KCNH7: variants seen among roughly 807,000 people sequenced by gnomAD.
KCNH7 encodes the protein potassium voltage-gated channel subfamily H member 7.
KCNH7 carries 49 observed loss-of-function variants against 120.8 expected under a neutral mutation model. The observed-to-expected ratio is 0.41, with a 90% CI of 0.32 to 0.51. The LOEUF is 0.51. Ranked by LOEUF, KCNH7 falls within the 20% of genes least tolerant of loss-of-function variation. The pLI, the probability that KCNH7 is intolerant of heterozygous loss-of-function variation, is 0.38. For missense variants in KCNH7, 1,097 were observed against 1,446.6 expected (o/e 0.76, Z 3.92); for synonymous variants, 547 against 516.1 (o/e 1.06, Z -0.81).
At chr2:162,615,670 A>G (rs891296292) in intron 2 of KCNH7, among the ~76,000 whole-genome samples, 4 of 152,154 alleles carry the variant, frequency 2.6e-5, no homozygotes, top group Non-Finnish European at 5.9e-5. Context: ...CATTCTTTCA[A>G]TGCAGAGTAA....
intron 6 of KCNH7, among the ~76,000 whole-genome samples, chr2:162,479,704 T>TGTG (rs1689865189): frequency 1.3e-5 from 2 of 148,306 alleles, no homozygotes; most frequent in African/African-American, 5.0e-5. Flanking sequence ...TGTGTGTGTG[T>TGTG]TGAGATGGCT....
chr2:162,389,304 G>A (rs1351516340), intron 12 of KCNH7, among the ~76,000 whole-genome samples: 1 of 151,908 alleles, frequency 6.6e-6, no homozygotes, highest in Non-Finnish European at 1.5e-5. Context: ...AGGTTAGGAA[G>A]GAAAAGCTCA....
At chr2:162,578,159 T>A (rs1182438981) in intron 2 of KCNH7, among the ~76,000 whole-genome samples, 2 of 152,006 alleles carry the variant, frequency 1.3e-5, no homozygotes, top group Non-Finnish European at 2.9e-5. Flanking sequence ...ACACAGAAAT[T>A]GTTTCTAATG....
chr2:162,702,512 G>C (rs1385959120), intron 2 of KCNH7, among the ~76,000 whole-genome samples: 1 of 152,004 alleles, frequency 6.6e-6, no homozygotes, highest in African/African-American at 2.4e-5. Context: ...TACTTAAATT[G>C]CTTAAAAATT....
At chr2:162,584,655 T>G (rs1254619123) in intron 2 of KCNH7, among the ~76,000 whole-genome samples, 2 of 152,134 alleles carry the variant, frequency 1.3e-5, no homozygotes, top group Admixed American at 6.5e-5. Context: ...ATCACATCAC[T>G]GGGAACCTAT....
chr2:162,755,886 A>G lies in KCNH7; in HGVS notation c.307+80651T>C, dbSNP rs941621104. Among the ~76,000 whole-genome samples, 6 of 152,188 alleles carry G rather than the reference A, an allele frequency of 3.9e-5. No homozygotes were observed. In the East Asian group the frequency reaches 7.7e-4, roughly 20 times the overall value. On this transcript the variant is annotated intron_variant, in intron 2 of 15. Coordinates refer to ENST00000332142, the MANE Select transcript of KCNH7 (RefSeq NM_033272.4). ...TGAGGAAGAAATCTAGAAGTGGTGTATACTCAACCAGAGTGATAGTCTTAT... is the reference window on the plus strand; with the variant it reads ...TGAGGAAGAAATCTAGAAGTGGTGTGTACTCAACCAGAGTGATAGTCTTAT...
At chr2:162,373,791 G>A in intron 14 of KCNH7, 129 bp from the exon 15 acceptor site, 1 of 493,168 alleles carries the variant, frequency 2.0e-6, no homozygotes, top group Non-Finnish European at 3.4e-6. Flanking sequence ...GACAGGAGAG[G>A]GAGCACAGAG....
intron 9 of KCNH7, among the ~76,000 whole-genome samples, chr2:162,403,895 G>A (rs891114401): frequency 2.6e-5 from 4 of 151,886 alleles, no homozygotes; most frequent in African/African-American, 9.7e-5. Flanking sequence ...GAGCTATAGT[G>A]GAATAGAGGT....
intron 2 of KCNH7, among the ~76,000 whole-genome samples, chr2:162,825,284 G>GT (rs964424445): frequency 6.6e-5 from 10 of 151,820 alleles, no homozygotes; most frequent in Non-Finnish European, 1.3e-4. Context: ...TACTTAGCAT[G>GT]TTTTTTTAAT....
At chr2:162,796,825 T>G (rs1298972497) in intron 2 of KCNH7, 1 of 152,062 alleles carries the variant, frequency 6.6e-6, no homozygotes, top group Non-Finnish European at 1.5e-5. Context: ...TTTAAGAACC[T>G]GTTTTTGGTT....
intron 3 of KCNH7, among the ~76,000 whole-genome samples, chr2:162,527,447 A>G (rs1244176493): frequency 6.6e-6 from 1 of 152,018 alleles, no homozygotes; most frequent in Non-Finnish European, 1.5e-5. Context: ...CTTATAAACC[A>G]GCTCTATGGA....
intron 2 of KCNH7, among the ~76,000 whole-genome samples, chr2:162,697,215 G>A (rs1686324936): frequency 6.6e-6 from 1 of 152,002 alleles, no homozygotes; most frequent in Non-Finnish European, 1.5e-5. Context: ...TTTGCCAGAG[G>A]GGTGGAACTG....
At chr2:162,627,818 G>T (rs1021190519) in intron 2 of KCNH7, among the ~76,000 whole-genome samples, 1 of 152,108 alleles carries the variant, frequency 6.6e-6, no homozygotes, top group Non-Finnish European at 1.5e-5. Context: ...AAATCTTTAA[G>T]AAGGAAACTA....
At chr2:162,803,961 T>A (rs892102829) in intron 2 of KCNH7, among the ~76,000 whole-genome samples, 1 of 151,798 alleles carries the variant, frequency 6.6e-6, no homozygotes, top group Non-Finnish European at 1.5e-5. Flanking sequence ...TATTTTAAAA[T>A]CATATTAACT....
intron 3 of KCNH7, among the ~76,000 whole-genome samples, chr2:162,530,579 C>T (rs1691886745): frequency 6.6e-6 from 1 of 151,968 alleles, no homozygotes; most frequent in Non-Finnish European, 1.5e-5. Context: ...CCATTGTATA[C>T]TTCTTTGTAA....
At chr2:162,716,846 G>A (rs746495261) in intron 2 of KCNH7, among the ~76,000 whole-genome samples, 2 of 152,014 alleles carry the variant, frequency 1.3e-5, no homozygotes, top group Non-Finnish European at 2.9e-5. Flanking sequence ...TAATGATCTT[G>A]GAAGGTATTC....
chr2:162,646,184 T>C (rs1684353189), intron 2 of KCNH7, among the ~76,000 whole-genome samples: 2 of 152,214 alleles, frequency 1.3e-5, no homozygotes, highest in African/African-American at 4.8e-5. Flanking sequence ...ATGTTTTATC[T>C]GTATATATTA....
At chr2:162,775,696 GATGTC>G (rs1683209820) in intron 2 of KCNH7, among the ~76,000 whole-genome samples, 1 of 152,122 alleles carries the variant, frequency 6.6e-6, no homozygotes, top group Non-Finnish European at 1.5e-5. Flanking sequence ...TGACCTCCTT[GATGTC>G]CATTAAGTTG....
rs117121328 is a variant in KCNH7, at chr2:162,535,105, A to G, written c.463+1820T>C. ...TTTCTTAGAATAATAAAGCACATAC[A>G]ACTCAACTCACATGTCATTATTTCA... On this transcript the variant is annotated intron_variant, in intron 3 of 15. Coordinates refer to ENST00000332142, the MANE Select transcript of KCNH7 (RefSeq NM_033272.4). 3.6e-3 allele frequency among the ~76,000 whole-genome samples: 553 copies of G among 151,872 alleles called. 22 individuals are homozygous for G. In the East Asian group the frequency reaches 0.095, roughly 26 times the overall value.
Sources: allele counts gnomAD v4.1 joint callset (sites outside exome capture counted in the v4.1 genomes callset), GRCh38; gene constraint gnomAD v4.1.1; transcripts MANE v1.5; gene names NCBI Gene and HGNC (gene_info 2026-07-23, HGNC 2026-07-21).